Variants in RBFOX1 observed in about 807,000 individuals in gnomAD.
The protein encoded by RBFOX1 is RNA binding fox-1 homolog 1, also known as RNA binding protein fox-1 homolog 1.
In RBFOX1, 8 loss-of-function variants were observed where a neutral mutation model predicts 57.7. The observed-to-expected ratio is 0.14, with a 90% CI of 0.08 to 0.25. RBFOX1 has a LOEUF of 0.25. Among genes scored for constraint, RBFOX1 ranks in the 10% least tolerant of loss-of-function variants. The pLI is 1.00. For missense variants in RBFOX1, 611 were observed against 548.5 expected (o/e 1.11, Z -1.14); for synonymous variants, 326 against 222.4 (o/e 1.47, Z -4.15).
At chr16:7,229,186 A>C (rs1046573009) in intron 4 of RBFOX1, among the ~76,000 whole-genome samples, 5 of 152,246 alleles carry the variant, frequency 3.3e-5, no homozygotes, top group African/African-American at 1.2e-4. Flanking sequence ...TTCATGCTTC[A>C]GAAAGCGTCG....
At chr16:6,924,750 A>C (rs12920814) in intron 3 of RBFOX1, among the ~76,000 whole-genome samples, 4 of 150,004 alleles carry the variant, frequency 2.7e-5, no homozygotes, top group Non-Finnish European at 5.9e-5. Context: ...TTACATATTT[A>C]TACATGTGCC....
At chr16:6,095,030 A>C (rs915919754) in intron 1 of RBFOX1, among the ~76,000 whole-genome samples, 4 of 152,204 alleles carry the variant, frequency 2.6e-5, no homozygotes, top group African/African-American at 9.7e-5. Flanking sequence ...ACTGCACTCC[A>C]GCCTGGGCAA....
At chr16:5,447,450 G>A (rs1041255893) in intron 1 of RBFOX1, among the ~76,000 whole-genome samples, 2 of 149,520 alleles carry the variant, frequency 1.3e-5, no homozygotes, top group Non-Finnish European at 3.0e-5. Flanking sequence ...GAGTGCAGTG[G>A]CATGCTTTCA....
intron 2 of RBFOX1, among the ~76,000 whole-genome samples, chr16:5,569,499 G>T (rs747723301): frequency 2.8e-5 from 3 of 108,412 alleles, no homozygotes; most frequent in Non-Finnish European, 5.4e-5. Flanking sequence ...TCTATGTTCT[G>T]GCCACTGTGC....
At chr16:6,112,114 A>G (rs2096453464) in intron 1 of RBFOX1, among the ~76,000 whole-genome samples, 1 of 152,194 alleles carries the variant, frequency 6.6e-6, no homozygotes, top group Non-Finnish European at 1.5e-5. Flanking sequence ...AATAACTGGT[A>G]TATTCCAGAC....
At chr16:5,412,237 C>G (rs1303820962) in intron 1 of RBFOX1, among the ~76,000 whole-genome samples, 1 of 148,390 alleles carries the variant, frequency 6.7e-6, no homozygotes, top group Non-Finnish European at 1.5e-5. Flanking sequence ...CCACCTGTCT[C>G]CAGTCTTTAG....
rs561936203 is a variant in RBFOX1, at chr16:5,644,357, G to A, written c.318+45396G>A. Among the ~76,000 whole-genome samples the A allele has an allele frequency of 3.3e-5, 5 of 152,348 alleles. No individual in the cohort carries two copies. The South Asian group carries it at 8.3e-4, about 25-fold the overall frequency. On this transcript the variant is annotated intron_variant, in intron 3 of 19. Coordinates refer to the RBFOX1 transcript ENST00000641259. ...AGGGCATAGTAACAGCACCCTGAAT[G>A]TGGATGAGTGATTTTGGCCATTGTG...
chr16:7,173,057 C>T (rs2081011237), intron 4 of RBFOX1, among the ~76,000 whole-genome samples: 1 of 152,064 alleles, frequency 6.6e-6, no homozygotes, highest in African/African-American at 2.4e-5. Flanking sequence ...TATTAGTACC[C>T]AACAAGTAGA....
intron 3 of RBFOX1, among the ~76,000 whole-genome samples, chr16:6,867,081 C>G (rs1381564442): frequency 6.6e-6 from 1 of 150,600 alleles, no homozygotes; most frequent in African/African-American, 2.4e-5. Flanking sequence ...AAATTTCATT[C>G]TAACCAGCAA....
chr16:6,941,301 TC>T, intron 3 of RBFOX1, among the ~76,000 whole-genome samples: 1 of 20,538 alleles, frequency 4.9e-5, no homozygotes, highest in African/African-American at 1.5e-4. Context: ...CCTCCCTCCC[TC>T]CTTCCTTCCT....
At chr16:7,458,998 A>G (rs2059054069) in intron 4 of RBFOX1, among the ~76,000 whole-genome samples, 1 of 152,202 alleles carries the variant, frequency 6.6e-6, no homozygotes. Flanking sequence ...TATTTGTTGA[A>G]TGATTAAACC....
chr16:5,419,577 ATTC>A (rs1320589101), intron 1 of RBFOX1, among the ~76,000 whole-genome samples: 1 of 151,800 alleles, frequency 6.6e-6, no homozygotes, highest in Non-Finnish European at 1.5e-5. Flanking sequence ...TGCATCCTTC[ATTC>A]CAATCAAGTT....
At chr16:6,802,361 C>G (rs1399917845) in intron 3 of RBFOX1, among the ~76,000 whole-genome samples, 2 of 152,128 alleles carry the variant, frequency 1.3e-5, no homozygotes, top group African/African-American at 2.4e-5. Context: ...TGACATTTCC[C>G]TTTTAACAGT....
chr16:6,116,270 G>A (rs1367569590), intron 1 of RBFOX1, among the ~76,000 whole-genome samples: 3 of 151,218 alleles, frequency 2.0e-5, no homozygotes, highest in Admixed American at 2.0e-4. Flanking sequence ...GGCCTGTCAG[G>A]GGGTGGGGGG....
intron 3 of RBFOX1, among the ~76,000 whole-genome samples, chr16:6,855,636 G>C (rs1206148631): frequency 7.0e-6 from 1 of 142,190 alleles, no homozygotes; most frequent in Non-Finnish European, 1.5e-5. Flanking sequence ...CTGGGCAACA[G>C]AGTGAGACTC....
At chr16:7,303,928 G>C (rs2096100086) in intron 4 of RBFOX1, among the ~76,000 whole-genome samples, 1 of 150,302 alleles carries the variant, frequency 6.7e-6, no homozygotes, top group Non-Finnish European at 1.5e-5. Flanking sequence ...GCCCCTTCCA[G>C]AGAAGTTCCC....
chr16:5,384,200 A>G (rs1192089108), intron 1 of RBFOX1, among the ~76,000 whole-genome samples: 2 of 152,178 alleles, frequency 1.3e-5, no homozygotes, highest in Non-Finnish European at 2.9e-5. Context: ...CTGGCCACAC[A>G]TGGGTACAGG....
At chr16:6,926,641 A>G (rs2075639070) in intron 3 of RBFOX1, among the ~76,000 whole-genome samples, 1 of 152,184 alleles carries the variant, frequency 6.6e-6, no homozygotes, top group South Asian at 2.1e-4. Context: ...TGTAGAAGAC[A>G]CAGCTTTGCG....
At chr16:6,456,206 G>T (rs779065112) in intron 2 of RBFOX1, among the ~76,000 whole-genome samples, 11 of 152,122 alleles carry the variant, frequency 7.2e-5, no homozygotes, top group Non-Finnish European at 1.3e-4. Flanking sequence ...TCAGATAGAA[G>T]AATTATGTAT....
Sources: gnomAD v4.1 joint callset for allele counts (sites outside exome capture counted in the v4.1 genomes callset) on GRCh38, gnomAD v4.1.1 for gene constraint, MANE v1.5 for transcripts, NCBI Gene and HGNC (gene_info 2026-07-23, HGNC 2026-07-21) for gene names.